The following STXBP4 variants were observed in gnomAD, a reference collection of about 807,000 sequenced individuals.
STXBP4 encodes syntaxin binding protein 4.
In STXBP4, 55 loss-of-function variants were observed where a neutral mutation model predicts 76.1. That is an observed-to-expected ratio of 0.72 (90% CI 0.58 to 0.91). STXBP4 has a LOEUF of 0.91. Among genes scored for constraint, STXBP4 ranks in the 40% least tolerant of loss-of-function variants. The pLI, the probability that STXBP4 is intolerant of heterozygous loss-of-function variation, is 0.00. For synonymous variants in STXBP4, 201 were observed against 220.2 expected (o/e 0.91, Z 0.77); for missense variants, 618 against 636.9 (o/e 0.97, Z 0.32).
chr17:54,990,989 C>T, intron 4 of STXBP4, 32 bp downstream of exon 4: 1 of 1,489,412 alleles, frequency 6.7e-7, no homozygotes. Context: ...ACCAAAAATA[C>T]AAACAAAAAG....
At chr17:55,032,303 T>A (rs2078523349) in intron 9 of STXBP4, among the ~76,000 whole-genome samples, 1 of 152,082 alleles carries the variant, frequency 6.6e-6, no homozygotes, top group Non-Finnish European at 1.5e-5. Flanking sequence ...TTTCATCCCA[T>A]CTCCACTTGA....
chr17:55,196,452 C>T, the STXBP4 span, among the ~76,000 whole-genome samples: 2 of 152,206 alleles, frequency 1.3e-5, no homozygotes, highest in East Asian at 3.9e-4. Context: ...TTCTATTCAA[C>T]CCTACACTGT....
rs2080360280 is a variant in STXBP4 at position 55,164,046 on chromosome 17, T to C, written c.*4135T>C. On this transcript the variant is annotated 3_prime_UTR_variant, in exon 18 of 18. Coordinates refer to ENST00000376352, the MANE Select transcript of STXBP4 (RefSeq NM_178509.6). ...CAACACGCTTGACATTTTTACAATG[T>C]ACATAAAGAACTGAACTATTATTAA... 1 of 152,662 alleles carries C rather than the reference T, an allele frequency of 6.6e-6. No homozygotes were observed. The allele number at this position is 152,662 out of a possible 1,614,324, so 9.5% of individuals were successfully genotyped here.
At chr17:55,042,526 C>T (rs2078719436) in intron 10 of STXBP4, among the ~76,000 whole-genome samples, 1 of 151,904 alleles carries the variant, frequency 6.6e-6, no homozygotes, top group African/African-American at 2.4e-5. Flanking sequence ...ATTATATTTT[C>T]TTTAGTTGTT....
chr17:55,077,314 A>T (rs2079195607), intron 13 of STXBP4, among the ~76,000 whole-genome samples: 1 of 152,172 alleles, frequency 6.6e-6, no homozygotes, highest in South Asian at 2.1e-4. Context: ...GCCTGGGACC[A>T]ATTTAAAGTA....
intron 1 of STXBP4, among the ~76,000 whole-genome samples, chr17:54,982,617 TGTGTG>T (rs1167394181): frequency 1.3e-5 from 2 of 151,666 alleles, no homozygotes; most frequent in African/African-American, 2.4e-5. Context: ...TGTGTGTGTG[TGTGTG>T]TGTGAGTGTG....
chr17:55,105,177 T>C (rs1231428958), intron 16 of STXBP4, among the ~76,000 whole-genome samples: 1 of 152,168 alleles, frequency 6.6e-6, no homozygotes, highest in African/African-American at 2.4e-5. Context: ...TTTGAATTTG[T>C]TTGCTCTTGC....
the STXBP4 span, among the ~76,000 whole-genome samples, chr17:55,193,902 G>A: frequency 1.3e-5 from 2 of 150,424 alleles, no homozygotes; most frequent in Non-Finnish European, 3.0e-5. Context: ...TCAGGAAGAA[G>A]AAGCATTAAC....
intron 16 of STXBP4, among the ~76,000 whole-genome samples, chr17:55,099,175 C>T (rs1203234348): frequency 6.6e-6 from 1 of 152,140 alleles, no homozygotes; most frequent in Non-Finnish European, 1.5e-5. Flanking sequence ...TAGTTGTTTA[C>T]TCGATTCAGC....
chr17:55,025,675 A>G (rs2078398549), intron 8 of STXBP4, among the ~76,000 whole-genome samples: 2 of 152,248 alleles, frequency 1.3e-5, no homozygotes, highest in African/African-American at 4.8e-5. Flanking sequence ...GCCTACTGCT[A>G]ACATCATGCT....
chr17:54,984,711 A>T (rs560315983), intron 1 of STXBP4, among the ~76,000 whole-genome samples: 1 of 152,214 alleles, frequency 6.6e-6, no homozygotes, highest in South Asian at 2.1e-4. Flanking sequence ...TTTGTTGTGA[A>T]TCAGTTGCTG....
At chr17:54,988,260 G>A (rs1391481170) in intron 3 of STXBP4, among the ~76,000 whole-genome samples, 2 of 152,172 alleles carry the variant, frequency 1.3e-5, no homozygotes, top group Admixed American at 1.3e-4. Context: ...ATAAACTGCT[G>A]TGTTAATAAT....
chr17:55,107,090 G>A (rs558866367), intron 16 of STXBP4, among the ~76,000 whole-genome samples: 1 of 152,218 alleles, frequency 6.6e-6, no homozygotes, highest in Admixed American at 6.5e-5. Flanking sequence ...CATAGGTTTG[G>A]TCTTTTTACA....
intron 12 of STXBP4, among the ~76,000 whole-genome samples, chr17:55,067,653 G>A (rs1198142828): frequency 6.6e-6 from 1 of 152,132 alleles, no homozygotes; most frequent in African/African-American, 2.4e-5. Context: ...ACCTAAGGTG[G>A]TACTTCATCA....
chr17:55,061,850 G>A (rs895394810), intron 12 of STXBP4, among the ~76,000 whole-genome samples: 2 of 152,116 alleles, frequency 1.3e-5, no homozygotes, highest in Non-Finnish European at 2.9e-5. Flanking sequence ...TTTAAAACTG[G>A]TTAAATCTAA....
chr17:55,143,839 G>A (rs753445380), intron 17 of STXBP4, among the ~76,000 whole-genome samples: 4 of 152,162 alleles, frequency 2.6e-5, no homozygotes, highest in Non-Finnish European at 4.4e-5. Flanking sequence ...AACAGAAAAA[G>A]AGATGATAAA....
chr17:55,146,143 AATTT>A (rs1302666492), intron 17 of STXBP4, among the ~76,000 whole-genome samples: 18 of 152,304 alleles, frequency 1.2e-4, no homozygotes, highest in African/African-American at 4.3e-4. Flanking sequence ...AGTAAAACTG[AATTT>A]ATGACAAATT....
intron 10 of STXBP4, among the ~76,000 whole-genome samples, chr17:55,039,361 T>G (rs764036810): frequency 3.4e-5 from 5 of 146,604 alleles, no homozygotes; most frequent in Non-Finnish European, 7.5e-5. Flanking sequence ...AAAAAAAAGA[T>G]AATTGGGTTC....
intron 16 of STXBP4, among the ~76,000 whole-genome samples, chr17:55,103,928 T>G (rs547382193): frequency 1.1e-3 from 161 of 152,220 alleles, no homozygotes; most frequent in Non-Finnish European, 1.9e-3. Context: ...GCTCTCTGTT[T>G]GTCTATTATT....
Sources: allele counts gnomAD v4.1 joint callset (sites outside exome capture counted in the v4.1 genomes callset), GRCh38; gene constraint gnomAD v4.1.1; transcripts MANE v1.5; gene names NCBI Gene and HGNC (gene_info 2026-07-23, HGNC 2026-07-21).